The following CAMTA1 variants were observed in gnomAD, a reference collection of about 807,000 sequenced individuals.
CAMTA1 encodes the protein calmodulin-binding transcription activator 1.
A neutral mutation model predicts 170.9 loss-of-function variants in CAMTA1; 27 were observed. The observed-to-expected ratio is 0.16, with a 90% CI of 0.12 to 0.22. The LOEUF (loss-of-function observed/expected upper bound fraction) is 0.22. Ranked by LOEUF, CAMTA1 falls within the 10% of genes least tolerant of loss-of-function variation. The pLI is 1.00. For synonymous variants in CAMTA1, 833 were observed against 891.5 expected (o/e 0.93, Z 1.17); for missense variants, 1,619 against 2,217.2 (o/e 0.73, Z 5.42).
At chr1:7,567,901 A>G (rs922583290) in intron 6 of CAMTA1, among the ~76,000 whole-genome samples, 2 of 152,228 alleles carry the variant, frequency 1.3e-5, no homozygotes, top group Non-Finnish European at 2.9e-5. Context: ...CCTCAGGTAT[A>G]TAACCTAAAC....
intron 5 of CAMTA1, among the ~76,000 whole-genome samples, chr1:7,371,643 T>C (rs886334343): frequency 2.0e-5 from 3 of 152,208 alleles, no homozygotes. Context: ...TTTCTATGGC[T>C]CAACACAGTG....
intron 11 of CAMTA1, among the ~76,000 whole-genome samples, chr1:7,702,224 C>T (rs1441956409): frequency 6.6e-6 from 1 of 152,182 alleles, no homozygotes; most frequent in African/African-American, 2.4e-5. Context: ...ACCTGTCCCA[C>T]CTGCTCGGCA....
At position 6,965,161 on chromosome 1, in the gene CAMTA1, T is replaced by G. The variant is rs759283309; in HGVS notation, c.235-126143T>G. Among the ~76,000 whole-genome samples, 10 of 152,160 alleles carry G rather than the reference T, an allele frequency of 6.6e-5. No homozygotes were observed. Among genetic ancestry groups the G allele is most frequent in the Non-Finnish European group, 1.5e-4 (10 of 68,032 alleles). ...AGATGTATTAATATGTGAAAGCCAC[T>G]TCGGGAAAAGTAGTGAGTGTGGTAT... On this transcript the variant is annotated intron_variant, in intron 3 of 22. Transcript: ENST00000303635. The surrounding 1 kb of genome is among the most constrained non-coding windows in gnomAD (Gnocchi z 4.1).
intron 7 of CAMTA1, among the ~76,000 whole-genome samples, chr1:7,661,511 G>A (rs1271822016): frequency 1.3e-5 from 2 of 152,202 alleles, no homozygotes; most frequent in African/African-American, 2.4e-5. Context: ...GGGAGCTAAA[G>A]AGCTCAGAAC....
In CAMTA1 at chr1:7,010,688, T is replaced by C. The variant is rs1316916200; in HGVS notation, c.235-80616T>C. Among the ~76,000 whole-genome samples the C allele has an allele frequency of 6.6e-6, 1 of 152,124 alleles. No homozygotes were observed. The highest frequency in any genetic ancestry group is 1.5e-5 in the Non-Finnish European group (1 of 68,018). On this transcript the variant is annotated intron_variant, in intron 3 of 22. Transcript: ENST00000303635. The surrounding 1 kb of genome is among the most constrained non-coding windows in gnomAD (Gnocchi z 4.4). Reference sequence around the variant, plus strand: ...GAATAGGTGCTGTTTACGTGATAGCTTGTATGGTTGGCTCTCCACACCCAC... The same window carrying C: ...GAATAGGTGCTGTTTACGTGATAGCCTGTATGGTTGGCTCTCCACACCCAC...
intron 3 of CAMTA1, among the ~76,000 whole-genome samples, chr1:6,844,576 C>CT (rs1005953222): frequency 1.4e-5 from 2 of 146,878 alleles, no homozygotes; most frequent in African/African-American, 5.0e-5. Flanking sequence ...GTCCCAGCTA[C>CT]TTGGGAGCCT....
At chr1:7,217,227 C>T (rs374001221) in intron 4 of CAMTA1, among the ~76,000 whole-genome samples, 61 of 152,260 alleles carry the variant, frequency 4.0e-4, no homozygotes, top group African/African-American at 1.3e-3. Flanking sequence ...CCCCTTTGCT[C>T]GGCACTTCTC....
At chr1:7,613,499 C>T (rs1214048052) in intron 6 of CAMTA1, among the ~76,000 whole-genome samples, 1 of 152,070 alleles carries the variant, frequency 6.6e-6, no homozygotes, top group Non-Finnish European at 1.5e-5. Flanking sequence ...AAAAGATGCA[C>T]GGAGGCGCAG....
chr1:7,552,506 G>C (rs2094816711), intron 6 of CAMTA1, among the ~76,000 whole-genome samples: 1 of 152,240 alleles, frequency 6.6e-6, no homozygotes, highest in South Asian at 2.1e-4. Flanking sequence ...CTGACACACA[G>C]GGGTGGGACA....
chr1:7,217,437 A>G (rs1485545388), intron 4 of CAMTA1, among the ~76,000 whole-genome samples: 2 of 152,222 alleles, frequency 1.3e-5, no homozygotes, highest in African/African-American at 4.8e-5. Flanking sequence ...CCTCTTATAT[A>G]TAACATATAG....
Position 7,339,255 on chromosome 1 carries a change from G to A in CAMTA1, c.438+89629G>A, listed in dbSNP as rs976454482. Among the ~76,000 whole-genome samples the A allele has an allele frequency of 5.3e-4, 81 of 152,246 alleles. 1 individual carries two copies. The highest frequency in any genetic ancestry group is 5.1e-3 in the Admixed American group (78 of 15,286). ...ATATACTAAAGCCACTCCATTGTAT[G>A]CTCCAAATGGAAGAATTGTACGGAA... On this transcript the variant is annotated intron_variant, in intron 5 of 22. Coordinates refer to ENST00000303635, the MANE Select transcript of CAMTA1 (RefSeq NM_015215.4).
chr1:7,257,481 A>G (rs6698548), intron 5 of CAMTA1, among the ~76,000 whole-genome samples: 90,978 of 152,010 alleles, frequency 0.6, 27,886 homozygotes, highest in African/African-American at 0.66. Context: ...TAGGAATAAC[A>G]AGTTGTTTAT....
At chr1:7,086,908 C>T (rs867063019) in intron 3 of CAMTA1, among the ~76,000 whole-genome samples, 1 of 152,238 alleles carries the variant, frequency 6.6e-6, no homozygotes, top group Non-Finnish European at 1.5e-5. Context: ...CACCTGTTTT[C>T]ACTTCCTTTG....
chr1:7,611,325 G>A (rs957883448), intron 6 of CAMTA1, among the ~76,000 whole-genome samples: 2 of 152,160 alleles, frequency 1.3e-5, no homozygotes, highest in African/African-American at 2.4e-5. Context: ...CATTATCTCC[G>A]TTACTGAGTT....
intron 4 of CAMTA1, among the ~76,000 whole-genome samples, chr1:7,112,609 G>T (rs2148392303): frequency 6.6e-6 from 1 of 152,328 alleles, no homozygotes; most frequent in South Asian, 2.1e-4. Flanking sequence ...CTTTGGATAA[G>T]CCTTGAGGCC....
intron 1 of CAMTA1, among the ~76,000 whole-genome samples, chr1:6,817,999 TTAA>T (rs1412732519): frequency 6.6e-6 from 1 of 152,082 alleles, no homozygotes; most frequent in Non-Finnish European, 1.5e-5. Context: ...GAGAGGAAAA[TTAA>T]TAATTCTTGG....
chr1:6,934,028 A>G lies in CAMTA1; in HGVS notation c.234+108818A>G, dbSNP rs1413408395. Among the ~76,000 whole-genome samples, 1 of 152,130 alleles carries G rather than the reference A, an allele frequency of 6.6e-6. No individual in the cohort carries two copies. The highest frequency in any genetic ancestry group is 1.5e-5 in the Non-Finnish European group (1 of 68,030). ...CAGCACAAAGCCTGCTGGGATTTTG[A>G]TTGGGATTGAGCCTCACATTGCTCT... On this transcript the variant is annotated intron_variant, in intron 3 of 22. Coordinates refer to ENST00000303635, the MANE Select transcript of CAMTA1 (RefSeq NM_015215.4). This position sits in a 1 kb window ranked among gnomAD's most constrained non-coding sequence, Gnocchi z 4.5.
At chr1:6,925,782 G>A (rs769625344) in intron 3 of CAMTA1, among the ~76,000 whole-genome samples, 2 of 152,202 alleles carry the variant, frequency 1.3e-5, no homozygotes, top group African/African-American at 2.4e-5. Flanking sequence ...CTCTTCCCAA[G>A]AGGCATCTCC....
At chr1:7,180,951 A>G (rs1187382663) in intron 4 of CAMTA1, among the ~76,000 whole-genome samples, 1 of 152,240 alleles carries the variant, frequency 6.6e-6, no homozygotes, top group African/African-American at 2.4e-5. Flanking sequence ...CCAAAATGAA[A>G]TTACAGAACA....
Sources: allele counts gnomAD v4.1 joint callset (sites outside exome capture counted in the v4.1 genomes callset), GRCh38; gene constraint gnomAD v4.1.1; non-coding constraint Gnocchi (gnomAD v3.1); transcripts MANE v1.5; gene names NCBI Gene and HGNC (gene_info 2026-07-23, HGNC 2026-07-21).